Variants in PIEZO2 observed in about 807,000 individuals in gnomAD.
PIEZO2 encodes the protein piezo-type mechanosensitive ion channel component 2.
In PIEZO2, 172 loss-of-function variants were observed where a neutral mutation model predicts 337.3. That is an observed-to-expected ratio of 0.51 (90% confidence interval 0.45 to 0.58). The LOEUF (loss-of-function observed/expected upper bound fraction) is 0.58. PIEZO2 is among the 20% of genes least tolerant of loss of function. The pLI, the probability that PIEZO2 is intolerant of heterozygous loss-of-function variation, is 0.00. For missense variants in PIEZO2, 3,028 were observed against 3,391.3 expected, an observed-to-expected ratio of 0.89 and a Z score of 2.66; for synonymous variants, 1,251 against 1,228.5, an observed-to-expected ratio of 1.02 and a Z score of -0.38.
intron 7 of PIEZO2, among the ~76,000 whole-genome samples, chr18:10,832,411 A>G (rs554273249): frequency 9.5e-4 from 145 of 152,332 alleles, no homozygotes; most frequent in Middle Eastern, 3.4e-3. Context: ...GGAGGCTCAC[A>G]TAGAGCATCT....
In PIEZO2 at chr18:11,129,247, C is replaced by A. The variant is rs2040269759; in HGVS notation, c.64+19278G>T. Among the ~76,000 whole-genome samples, 1 of 152,110 alleles carries A rather than the reference C, an allele frequency of 6.6e-6. No homozygotes were observed. Among genetic ancestry groups the A allele is most frequent in the African/African-American group, 2.4e-5 (1 of 41,430 alleles). On this transcript the variant is annotated intron_variant, in intron 1 of 55. Coordinates refer to ENST00000674853, the MANE Select transcript of PIEZO2 (RefSeq NM_001378183.1). The surrounding 1 kb of genome is among the most constrained non-coding windows in gnomAD (Gnocchi z 4.6). The stretch of plus-strand genomic sequence containing the variant: ...GCACCTGCATCTTTGGAACCACAGT[C>A]ACTCAACTACAAAACTTAAATACAA...
Position 11,116,329 on chromosome 18 carries a change from T to G in PIEZO2, c.64+32196A>C, listed in dbSNP as rs1205860732. Among the ~76,000 whole-genome samples, 2 of 152,156 alleles carry G rather than the reference T, an allele frequency of 1.3e-5. No homozygotes were observed. The highest frequency in any genetic ancestry group is 1.3e-4 in the Admixed American group (2 of 15,272). On this transcript the variant is annotated intron_variant, in intron 1 of 55. Transcript: ENST00000674853. The surrounding 1 kb of genome is among the most constrained non-coding windows in gnomAD (Gnocchi z 5.0). ...GAGCCCCAAAACCACTAATAGAATA[T>G]GTGCAAGGGGCTCTTGAGGAGGAAG...
At chr18:10,838,417 C>A (rs780325015) in intron 7 of PIEZO2, among the ~76,000 whole-genome samples, 1 of 152,204 alleles carries the variant, frequency 6.6e-6, no homozygotes, top group Non-Finnish European at 1.5e-5. Context: ...AAACTTTGCA[C>A]TGAGTCCCCT....
At position 10,973,224 on chromosome 18, in the gene PIEZO2, G is replaced by A. The variant is rs1568255283; in HGVS notation, c.286+6311C>T. On this transcript the variant is annotated intron_variant, in intron 3 of 55. Coordinates refer to ENST00000674853, the MANE Select transcript of PIEZO2 (RefSeq NM_001378183.1). The surrounding 1 kb of genome is among the most constrained non-coding windows in gnomAD (Gnocchi z 4.9). ...TTCATACGGGTGGGTGTCATGCAGT[G>A]CTACCACTCAGCTCGCCTTCGTGCC... is the stretch of plus-strand genomic sequence containing the variant. 1.3e-5 allele frequency among the ~76,000 whole-genome samples: 2 copies of A among 152,356 alleles called. No homozygotes were observed. Among genetic ancestry groups the A allele is most frequent in the East Asian group, 1.9e-4 (1 of 5,188 alleles).
intron 3 of PIEZO2, among the ~76,000 whole-genome samples, chr18:10,915,478 T>G (rs1598678619): frequency 6.6e-6 from 1 of 152,138 alleles, no homozygotes; most frequent in Non-Finnish European, 1.5e-5. Flanking sequence ...CATCCAAATT[T>G]TAGGTAGTAA....
At position 10,677,883 on chromosome 18, in the gene PIEZO2, G is replaced by GA. The variant is rs5823112; in HGVS notation, c.7953-9dup. 4.8e-3 allele frequency: 6,557 copies of GA among 1,358,286 alleles called. No individual in the cohort carries two copies. The highest frequency in any genetic ancestry group is 5.4e-3 in the South Asian group (390 of 72,300). The allele number at this position is 1,358,286 out of a possible 1,614,324, so 84.1% of individuals were successfully genotyped here. ...GCACCCAGACTTAAGTTTCTGTGAAGAAAAAAAAAAAGCTTAATGTCAGTG... is the reference window on the plus strand; with the variant it reads ...GCACCCAGACTTAAGTTTCTGTGAAGAAAAAAAAAAAAGCTTAATGTCAGTG... On this transcript the variant is annotated splice_polypyrimidine_tract_variant and intron_variant, in intron 52 of 55. Coordinates refer to ENST00000674853, the MANE Select transcript of PIEZO2 (RefSeq NM_001378183.1). The surrounding 1 kb of genome is among the most constrained non-coding windows in gnomAD (Gnocchi z 4.1).
At position 10,748,549 on chromosome 18, in the gene PIEZO2, A is replaced by G. The variant is rs2037516728; in HGVS notation, c.4346T>C (p.Leu1449Pro). The change falls in exon 30 of 56, where the codon CTG becomes CCG. Residue 1449 changes from leucine to proline, a missense_variant. This residue lies in a region of PIEZO2 where 1,925 missense variants were observed against 2,051.9 expected (regional missense o/e 0.94). Coordinates refer to ENST00000674853, the MANE Select transcript of PIEZO2 (RefSeq NM_001378183.1). The surrounding 1 kb of genome is among the most constrained non-coding windows in gnomAD (Gnocchi z 5.1). Reference sequence around the variant, plus strand: ...ATAACTCATGAAAACTCTTCTTTGCAGCAGGAGGAAGGCAAAACATATGCT... The same window carrying G: ...ATAACTCATGAAAACTCTTCTTTGCGGCAGGAGGAAGGCAAAACATATGCT... ...WDSICFAFLL[L>P]QRRVFMSYYF... 1.3e-6 allele frequency: 2 copies of G among 1,536,450 alleles called. No individual in the cohort carries two copies. The highest frequency in any genetic ancestry group is 1.7e-6 in the Non-Finnish European group (2 of 1,146,572).
chr18:11,104,113 T>A lies in PIEZO2; in HGVS notation c.65-37891A>T, dbSNP rs1266081170. Among the ~76,000 whole-genome samples, 1 of 152,154 alleles carries A rather than the reference T, an allele frequency of 6.6e-6. No individual in the cohort carries two copies. The highest frequency in any genetic ancestry group is 1.5e-5 in the Non-Finnish European group (1 of 68,034). On this transcript the variant is annotated intron_variant, in intron 1 of 55. Transcript: ENST00000674853. This position sits in a 1 kb window ranked among gnomAD's most constrained non-coding sequence, Gnocchi z 4.6. Reference sequence around the variant, plus strand: ...GGATGTTAAAATTGGATTCTTCTTATCATAGCTTTCACTGGGATTGCAATA... The same window carrying A: ...GGATGTTAAAATTGGATTCTTCTTAACATAGCTTTCACTGGGATTGCAATA...
chr18:10,690,086 T>C (rs573944379), intron 48 of PIEZO2, among the ~76,000 whole-genome samples: 4 of 150,312 alleles, frequency 2.7e-5, no homozygotes, highest in African/African-American at 7.3e-5. Flanking sequence ...ACTCAGCTTC[T>C]TTCACATTTA....
In PIEZO2 at chr18:10,745,976, T is replaced by G. The variant is rs188448429; in HGVS notation, c.4425-1745A>C. ...AGCCAGAATCCTGGGCACATCACCC[T>G]CTATGCTTCCCTTTCTATCACTGTC... On this transcript the variant is annotated intron_variant, in intron 30 of 55. Transcript: ENST00000674853. 3.5e-3 allele frequency among the ~76,000 whole-genome samples: 537 copies of G among 152,328 alleles called. 2 individuals are homozygous for G. Among genetic ancestry groups the G allele is most frequent in the Non-Finnish European group, 5.2e-3 (354 of 68,020 alleles).
At chr18:10,972,225 T>A (rs2034272711) in intron 3 of PIEZO2, among the ~76,000 whole-genome samples, 2 of 152,020 alleles carry the variant, frequency 1.3e-5, no homozygotes. Flanking sequence ...GAGTGTTAGT[T>A]TAGTTTACAT....
At chr18:10,865,435 T>G (rs1410029798) in intron 5 of PIEZO2, among the ~76,000 whole-genome samples, 1 of 152,076 alleles carries the variant, frequency 6.6e-6, no homozygotes, top group African/African-American at 2.4e-5. Flanking sequence ...ATTGTGGCAG[T>G]GAGTAGAGAA....
At chr18:10,801,533 T>C in intron 9 of PIEZO2, 105 bp from the exon 10 acceptor site, 1 of 971,430 alleles carries the variant, frequency 1.0e-6, no homozygotes, top group Non-Finnish European at 1.5e-6. Flanking sequence ...TCTCTTTAAC[T>C]TGCTGATTGC....
At chr18:10,717,039 A>G (rs2036038570) in intron 37 of PIEZO2, among the ~76,000 whole-genome samples, 1 of 152,190 alleles carries the variant, frequency 6.6e-6, no homozygotes, top group South Asian at 2.1e-4. Context: ...ACAGTGGTTA[A>G]GAGCACACAC....
At chr18:10,867,898 C>A (rs1329848687) in intron 5 of PIEZO2, among the ~76,000 whole-genome samples, 1 of 152,204 alleles carries the variant, frequency 6.6e-6, no homozygotes, top group Non-Finnish European at 1.5e-5. Context: ...ATGAGCAAGA[C>A]CACAGATGTG....
At chr18:10,721,558 G>C (rs956430694) in intron 36 of PIEZO2, among the ~76,000 whole-genome samples, 7 of 151,640 alleles carry the variant, frequency 4.6e-5, no homozygotes, top group Admixed American at 3.9e-4. Flanking sequence ...ACAAATGTCT[G>C]AGAACAGCAA....
intron 52 of PIEZO2, 73 bp downstream of exon 52, chr18:10,680,126 A>C: frequency 7.5e-7 from 1 of 1,332,140 alleles, no homozygotes; most frequent in Non-Finnish European, 1.0e-6. Context: ...CCATCCCACC[A>C]CACCCTCCCT....
chr18:11,137,764 C>CT (rs2040531909), intron 1 of PIEZO2, among the ~76,000 whole-genome samples: 1 of 152,204 alleles, frequency 6.6e-6, no homozygotes, highest in African/African-American at 2.4e-5. Context: ...AGATTACCAG[C>CT]TTGCTAAGGG....
Position 10,707,227 on chromosome 18 carries a change from C to A in PIEZO2, c.5588+1048G>T, listed in dbSNP as rs138485191. ...ACTTGCAGACTACTGGAGCCAACCCCGCACCAGGTCTCATGGCCAGTAAGA... is the reference window on the plus strand; with the variant it reads ...ACTTGCAGACTACTGGAGCCAACCCAGCACCAGGTCTCATGGCCAGTAAGA... On this transcript the variant is annotated intron_variant, in intron 40 of 55. Coordinates refer to ENST00000674853, the MANE Select transcript of PIEZO2 (RefSeq NM_001378183.1). This position sits in a 1 kb window ranked among gnomAD's most constrained non-coding sequence, Gnocchi z 4.2. Among the ~76,000 whole-genome samples the A allele has an allele frequency of 6.6e-6, 1 of 152,176 alleles. No individual in the cohort carries two copies. The highest frequency in any genetic ancestry group is 1.5e-5 in the Non-Finnish European group (1 of 68,028).
Sources: gnomAD v4.1 joint callset for allele counts (sites outside exome capture counted in the v4.1 genomes callset) on GRCh38, gnomAD v4.1.1 for gene constraint, gnomAD v4.1.1 regional missense constraint, Gnocchi (gnomAD v3.1) non-coding constraint, MANE v1.5 for transcripts, NCBI Gene and HGNC (gene_info 2026-07-23, HGNC 2026-07-21) for gene names.